BTN3A3: variants seen among roughly 807,000 people sequenced by gnomAD.
BTN3A3 encodes butyrophilin subfamily 3 member A3.
Under a neutral mutation model 43.2 loss-of-function variants are expected in BTN3A3, and 39 were observed. The observed-to-expected ratio is 0.90, with a 90% CI of 0.70 to 1.18. BTN3A3 has a LOEUF of 1.18. Ranked by LOEUF, BTN3A3 falls within the 50% of genes most tolerant of loss-of-function variation. The pLI is 0.00. For synonymous variants in BTN3A3, 255 were observed against 272.7 expected, an observed-to-expected ratio of 0.93 and a Z score of 0.64; for missense variants, 631 against 722.8, an observed-to-expected ratio of 0.87 and a Z score of 1.46.
Position 26,453,139 on chromosome 6 carries a change from T to C in BTN3A3, c.*728T>C, listed in dbSNP as rs1255822797. 1 of 152,124 alleles carries C rather than the reference T, an allele frequency of 6.6e-6. No individual in the cohort carries two copies. The highest frequency in any genetic ancestry group is 1.9e-4 in the East Asian group (1 of 5,202). 9.4% of individuals were successfully genotyped at this position (152,124 alleles called of 1,614,324 possible). A position where few individuals can be genotyped will look rare whatever the true frequency, so the allele number is the denominator to read the frequency against. On this transcript the variant is annotated 3_prime_UTR_variant, in exon 11 of 11. Transcript: ENST00000244519. ...AATCAAGGTTTCCAGGCAGAGCAAA[T>C]ACCCTAGAGATTCTCTGTGATATAG...
chr6:26,451,615 A>T (rs550849576), intron 10 of BTN3A3, 60 bp from the exon 11 acceptor site: 44 of 1,561,510 alleles, frequency 2.8e-5, no homozygotes, highest in Non-Finnish European at 3.5e-5. Context: ...TTGCATGCTG[A>T]GGCTCTGAAA....
intron 1 of BTN3A3, among the ~76,000 whole-genome samples, chr6:26,442,673 T>C (rs1319720518): frequency 2.6e-5 from 4 of 152,252 alleles, no homozygotes; most frequent in Non-Finnish European, 5.9e-5. Flanking sequence ...ACCACTTTTA[T>C]ACTTTAAAAA....
intron 9 of BTN3A3, 62 bp downstream of exon 9, chr6:26,449,750 T>C: frequency 6.3e-7 from 1 of 1,590,806 alleles, no homozygotes; most frequent in Non-Finnish European, 8.6e-7. Flanking sequence ...TTCAACTTTT[T>C]CTCTGCTGTG....
chr6:26,449,114 C>G (rs1376292286), intron 8 of BTN3A3: 1 of 275,352 alleles, frequency 3.6e-6, no homozygotes, highest in African/African-American at 2.2e-5. Context: ...TTTCCATAAT[C>G]TAGAGGATGT....
At chr6:26,445,587 T>C in intron 4 of BTN3A3, 117 bp from the exon 5 acceptor site, 1 of 1,288,870 alleles carries the variant, frequency 7.8e-7, no homozygotes, top group Non-Finnish European at 1.1e-6. Context: ...CTTGTGTAAA[T>C]AGCTCCTGAA....
At chr6:26,449,958 T>C in intron 9 of BTN3A3, 149 bp from the exon 10 acceptor site, 2 of 996,024 alleles carry the variant, frequency 2.0e-6, no homozygotes, top group Non-Finnish European at 3.0e-6. Flanking sequence ...AGGTGCCACC[T>C]CTGATCTATC....
At chr6:26,444,615 G>A (rs1430689992) in intron 4 of BTN3A3, 2 of 514,260 alleles carry the variant, frequency 3.9e-6, no homozygotes, top group Non-Finnish European at 7.0e-6. Context: ...AGTCATTTTG[G>A]TTTAGTCATG....
In BTN3A3 at chr6:26,448,762, ACT is replaced by A; in HGVS notation, c.964+11_964+12del. 6.2e-7 allele frequency: 1 copy of A among 1,613,314 alleles called. No homozygotes were observed. The highest frequency in any genetic ancestry group is 1.1e-5 in the South Asian group (1 of 91,040). Reference sequence around the variant, plus strand: ...AAATCCAGTACATGGCTCGTGAGTGACTCTGACATTTTCTCTGAATTTGAATC... The same window carrying A: ...AAATCCAGTACATGGCTCGTGAGTGACTGACATTTTCTCTGAATTTGAATC... On this transcript the variant is annotated intron_variant, in intron 8 of 10. Transcript: ENST00000244519.
chr6:26,450,177 AC>A (rs764657587), intron 10 of BTN3A3, 44 bp downstream of exon 10: 1 of 1,595,772 alleles, frequency 6.3e-7, no homozygotes, highest in African/African-American at 1.3e-5. Flanking sequence ...AACCTGAGGG[AC>A]TATATTCCTT....
At position 26,445,979 on chromosome 6, in the gene BTN3A3, A is replaced by G. The variant is rs139877036; in HGVS notation, c.709A>G (p.Ile237Val). The change falls in exon 5 of 11, where the codon ATC becomes GTC. Residue 237 changes from isoleucine (I) to valine (V), a missense_variant. Ile to Val is a conservative substitution (Grantham distance 29). Transcript: ENST00000244519. ...LGLEKTASIS[I>V]ADPFFRSAQP... ...CCTGGAAAAGACAGCCAGCATATCCATCGCAGGTCAGTACCCTGCTTGGCC... is the reference window on the plus strand; with the variant it reads ...CCTGGAAAAGACAGCCAGCATATCCGTCGCAGGTCAGTACCCTGCTTGGCC... 2.5e-4 allele frequency: 403 copies of G among 1,614,048 alleles called. 1 individual carries two copies. Among genetic ancestry groups the G allele is most frequent in the Non-Finnish European group, 3.3e-4 (387 of 1,180,024 alleles).
At chr6:26,444,600 T>C in intron 4 of BTN3A3, 1 of 542,318 alleles carries the variant, frequency 1.8e-6, no homozygotes, top group Non-Finnish European at 3.3e-6. Context: ...TAGTGACTGG[T>C]ACACAGTCAT....
intron 4 of BTN3A3, 71 bp downstream of exon 4, chr6:26,444,375 A>G (rs1762718817): frequency 6.2e-7 from 1 of 1,609,422 alleles, no homozygotes; most frequent in Non-Finnish European, 8.5e-7. Flanking sequence ...TCCCTCTTCC[A>G]AAAGTACTGC....
intron 1 of BTN3A3, among the ~76,000 whole-genome samples, chr6:26,441,167 T>C (rs901049086): frequency 1.3e-5 from 2 of 152,180 alleles, no homozygotes; most frequent in African/African-American, 4.8e-5. Flanking sequence ...AAACAGTGCG[T>C]GGCTCTATCA....
chr6:26,449,305 C>T (rs907297477), intron 8 of BTN3A3: 2 of 253,846 alleles, frequency 7.9e-6, no homozygotes, highest in Non-Finnish European at 7.5e-6. Context: ...CTTTTTAGAG[C>T]AAGGTAGGAA....
At chr6:26,449,434 C>A in intron 8 of BTN3A3, 1 of 584,896 alleles carries the variant, frequency 1.7e-6, no homozygotes, top group South Asian at 2.1e-5. Flanking sequence ...CTGGACTCCA[C>A]TGGGAAGGAA....
Position 26,445,948 on chromosome 6 carries a change from C to T in BTN3A3, c.678C>T (p.Leu226=). ...TATCCTGCATCATCAGAAATTCCCT[C>T]CTCGGCCTGGAAAAGACAGCCAGCA... The part of the protein sequence containing the change: ...GGVSCIIRNS[L]LGLEKTASIS... Residue 226 remains leucine (L), a synonymous_variant, in exon 5 of 11, where the codon CTC becomes CTT. Transcript: ENST00000244519. 6.2e-7 allele frequency: 1 copy of T among 1,614,164 alleles called. No homozygotes were observed. The highest frequency in any genetic ancestry group is 2.2e-5 in the East Asian group (1 of 44,886).
chr6:26,442,021 G>A (rs1762649250), intron 1 of BTN3A3, among the ~76,000 whole-genome samples: 1 of 152,220 alleles, frequency 6.6e-6, no homozygotes, highest in South Asian at 2.1e-4. Context: ...AACAGAAGAT[G>A]TGAAATGCAA....
In BTN3A3 at chr6:26,445,837, T is replaced by C; in HGVS notation, c.567T>C (p.Ala189=). 1 of 1,614,184 alleles carries C rather than the reference T, an allele frequency of 6.2e-7. No individual in the cohort carries two copies. The highest frequency in any genetic ancestry group is 8.5e-7 in the Non-Finnish European group (1 of 1,180,036). ...ACACCAAGGGAGAGAACATCCCGGCTGTGGAAGCACCTGTGGTTGCAGATG... is the reference window on the plus strand; with the variant it reads ...ACACCAAGGGAGAGAACATCCCGGCCGTGGAAGCACCTGTGGTTGCAGATG... ...WSDTKGENIP[A]VEAPVVADGV... The change falls in exon 5 of 11, where the codon GCT becomes GCC. Residue 189 remains alanine (A), a synonymous_variant. Coordinates refer to ENST00000244519, the MANE Select transcript of BTN3A3 (RefSeq NM_006994.5).
Position 26,451,688 on chromosome 6 carries a change from G to A in BTN3A3, c.1032G>A (p.Leu344=). 1.2e-6 allele frequency: 2 copies of A among 1,611,872 alleles called. No homozygotes were observed. Among genetic ancestry groups the A allele is most frequent in the South Asian group, 2.2e-5 (2 of 90,912 alleles). ...MALFKPADVI[L]DPDTANAILL... ...AACTCTCTGCAGCGGATGTGATTCTGGATCCAGACACGGCAAACGCCATCC... is the reference window on the plus strand; with the variant it reads ...AACTCTCTGCAGCGGATGTGATTCTAGATCCAGACACGGCAAACGCCATCC... Residue 344 remains leucine, a synonymous_variant, in exon 11 of 11, where the codon CTG becomes CTA. Transcript: ENST00000244519.
Sources: gnomAD v4.1 joint callset for allele counts (sites outside exome capture counted in the v4.1 genomes callset) on GRCh38, gnomAD v4.1.1 for gene constraint, MANE v1.5 for transcripts, NCBI Gene and HGNC (gene_info 2026-07-23, HGNC 2026-07-21) for gene names.